ANKRD6: variants seen among roughly 807,000 people sequenced by gnomAD.
The protein encoded by ANKRD6 is ankyrin repeat domain-containing protein 6.
Under a neutral mutation model 82.3 loss-of-function variants are expected in ANKRD6, and 56 were observed. That is an observed-to-expected ratio of 0.68 (90% confidence interval 0.55 to 0.85). The LOEUF is 0.85. Among genes scored for constraint, ANKRD6 ranks in the 40% least tolerant of loss-of-function variants. The probability of loss-of-function intolerance (pLI) is 0.00; values close to 1 mark genes in which losing one functional copy is unlikely to be tolerated. For synonymous variants in ANKRD6, 347 were observed against 352.1 expected (o/e 0.99, Z 0.16); for missense variants, 852 against 907.6 (o/e 0.94, Z 0.79).
At chr6:89,524,416 C>T (rs1782224746) in intron 1 of ANKRD6, among the ~76,000 whole-genome samples, 1 of 152,108 alleles carries the variant, frequency 6.6e-6, no homozygotes, top group Non-Finnish European at 1.5e-5. Context: ...TCCTGAGTTA[C>T]TTTGCTTAGA....
At chr6:89,623,053 G>A (rs1804174134) in intron 10 of ANKRD6, among the ~76,000 whole-genome samples, 2 of 151,248 alleles carry the variant, frequency 1.3e-5, no homozygotes, top group African/African-American at 2.4e-5. Flanking sequence ...TGCATCCGAG[G>A]TCAAAGAATG....
At chr6:89,489,814 C>A (rs1356525549) in intron 1 of ANKRD6, among the ~76,000 whole-genome samples, 1 of 152,184 alleles carries the variant, frequency 6.6e-6, no homozygotes, top group Non-Finnish European at 1.5e-5. Context: ...AATTGGAAAG[C>A]TCCATGAACT....
At chr6:89,458,758 A>G (rs1773771249) in intron 1 of ANKRD6, among the ~76,000 whole-genome samples, 1 of 152,260 alleles carries the variant, frequency 6.6e-6, no homozygotes, top group African/African-American at 2.4e-5. Flanking sequence ...TCCTCTGGCA[A>G]CACACTCACA....
chr6:89,624,756 A>C, intron 13 of ANKRD6, 65 bp downstream of exon 13: 1 of 1,535,466 alleles, frequency 6.5e-7, no homozygotes, highest in Non-Finnish European at 8.8e-7. Flanking sequence ...TCAGGAACCA[A>C]CTTCGACTTT....
chr6:89,472,327 T>A (rs564178601), intron 1 of ANKRD6, among the ~76,000 whole-genome samples: 1 of 152,214 alleles, frequency 6.6e-6, no homozygotes, highest in Non-Finnish European at 1.5e-5. Flanking sequence ...CCCAATTCAA[T>A]CCATAACAGC....
At chr6:89,580,884 T>C (rs1398089841) in intron 2 of ANKRD6, among the ~76,000 whole-genome samples, 1 of 152,218 alleles carries the variant, frequency 6.6e-6, no homozygotes, top group African/African-American at 2.4e-5. Context: ...ACAAGGTGGT[T>C]GGTCAGGTGA....
Position 89,447,421 on chromosome 6 carries a change from A to G in ANKRD6, c.-144+14046A>G, listed in dbSNP as rs149474577. ...TAACCCAGAACAAGGCTCTGACTCTATCAATTGTGTAAAGGCTGAGAGAGG... is the reference window on the plus strand; with the variant it reads ...TAACCCAGAACAAGGCTCTGACTCTGTCAATTGTGTAAAGGCTGAGAGAGG... On this transcript the variant is annotated intron_variant, in intron 1 of 15. Transcript: ENST00000339746. Among the ~76,000 whole-genome samples the G allele has an allele frequency of 4.2e-3, 637 of 152,322 alleles. 7 individuals carry two copies. The highest frequency in any genetic ancestry group is 0.013 in the African/African-American group (543 of 41,576).
intron 1 of ANKRD6, among the ~76,000 whole-genome samples, chr6:89,513,975 T>G (rs1277166850): frequency 6.6e-6 from 1 of 152,264 alleles, no homozygotes; most frequent in Non-Finnish European, 1.5e-5. Context: ...TCCAATGACT[T>G]AAGTAGCTAA....
chr6:89,500,614 A>T (rs1179916367), intron 1 of ANKRD6, among the ~76,000 whole-genome samples: 2 of 152,186 alleles, frequency 1.3e-5, no homozygotes, highest in African/African-American at 4.8e-5. Flanking sequence ...GAGTTCTCAG[A>T]AATCGTGTAA....
intron 2 of ANKRD6, among the ~76,000 whole-genome samples, chr6:89,592,747 A>AT (rs1468109878): frequency 6.6e-6 from 1 of 152,120 alleles, no homozygotes; most frequent in Non-Finnish European, 1.5e-5. Context: ...GGAGGTACTC[A>AT]TGCATCTGGG....
intron 1 of ANKRD6, among the ~76,000 whole-genome samples, chr6:89,506,091 G>A (rs1331432830): frequency 6.6e-6 from 1 of 152,256 alleles, no homozygotes; most frequent in Non-Finnish European, 1.5e-5. Flanking sequence ...TAGTCAAAGG[G>A]TATAAACTTT....
chr6:89,467,410 C>T (rs952680414), intron 1 of ANKRD6, among the ~76,000 whole-genome samples: 1 of 152,152 alleles, frequency 6.6e-6, no homozygotes, highest in African/African-American at 2.4e-5. Context: ...GTGGAATACA[C>T]TTCTTCATTC....
intron 1 of ANKRD6, among the ~76,000 whole-genome samples, chr6:89,438,557 C>G (rs1341704100): frequency 6.6e-6 from 1 of 152,154 alleles, no homozygotes; most frequent in Non-Finnish European, 1.5e-5. Flanking sequence ...GAATAGAACT[C>G]TTTGGTGGAT....
chr6:89,445,510 A>G (rs897703194), intron 1 of ANKRD6, among the ~76,000 whole-genome samples: 4 of 152,038 alleles, frequency 2.6e-5, no homozygotes, highest in Middle Eastern at 3.4e-3. Context: ...GCAGTCAAGC[A>G]ATCTCTGCTC....
intron 1 of ANKRD6, among the ~76,000 whole-genome samples, chr6:89,544,087 C>T (rs571037593): frequency 2.0e-5 from 3 of 152,186 alleles, no homozygotes; most frequent in Non-Finnish European, 4.4e-5. Context: ...GTGAAGGAAG[C>T]GACCTCTCGG....
intron 1 of ANKRD6, among the ~76,000 whole-genome samples, chr6:89,484,980 C>G (rs1469274370): frequency 6.6e-6 from 1 of 152,160 alleles, no homozygotes; most frequent in African/African-American, 2.4e-5. Flanking sequence ...TGGTTCTCAA[C>G]TCAGGGGCCC....
At chr6:89,478,337 G>A (rs1301707945) in intron 1 of ANKRD6, 1 of 152,286 alleles carries the variant, frequency 6.6e-6, no homozygotes, top group Admixed American at 6.6e-5. Flanking sequence ...GGTCAGAAAT[G>A]GAGCAGGTCA....
intron 12 of ANKRD6, among the ~76,000 whole-genome samples, 166 bp downstream of exon 12, chr6:89,624,223 C>T (rs1804752722): frequency 6.6e-6 from 1 of 152,194 alleles, no homozygotes; most frequent in Admixed American, 6.5e-5. Flanking sequence ...CAGATCCACT[C>T]CTGCTGCTAA....
rs546958900 is a variant in ANKRD6, at chr6:89,450,310, CA to C, written c.-144+16947del. 5.2e-3 allele frequency among the ~76,000 whole-genome samples: 708 copies of C among 136,542 alleles called. 7 individuals carry two copies. Among genetic ancestry groups the C allele is most frequent in the African/African-American group, 0.015 (567 of 37,248 alleles). 89.6% of individuals were successfully genotyped at this position (136,542 alleles called of 152,430 possible). A position where few individuals can be genotyped will look rare whatever the true frequency, so the allele number is the denominator to read the frequency against. On this transcript the variant is annotated intron_variant, in intron 1 of 15. Transcript: ENST00000339746. ...CTCGCGACAGAGTGAGACTCCATCT[CA>C]AAAAAAAAAAAGAGGAAGAATCAGT...
Sources: allele counts gnomAD v4.1 joint callset (sites outside exome capture counted in the v4.1 genomes callset), GRCh38; gene constraint gnomAD v4.1.1; transcripts MANE v1.5; gene names NCBI Gene and HGNC (gene_info 2026-07-23, HGNC 2026-07-21).